CACNB4: variants seen among roughly 807,000 people sequenced by gnomAD.
The protein encoded by CACNB4 is voltage-dependent L-type calcium channel subunit beta-4.
Under a neutral mutation model 71.2 loss-of-function variants are expected in CACNB4, and 32 were observed. The ratio of observed to expected loss-of-function variants is 0.45; its 90% CI spans 0.34 to 0.60. The LOEUF (loss-of-function observed/expected upper bound fraction) is 0.60, where lower values mean the gene tolerates loss of function less well. Among genes scored for constraint, CACNB4 ranks in the 20% least tolerant of loss-of-function variants. CACNB4 has a pLI of 0.01. For synonymous variants in CACNB4, 231 were observed against 236.9 expected (o/e 0.97, Z 0.23); for missense variants, 464 against 647.9 (o/e 0.72, Z 3.08).
At chr2:151,995,947 A>T (rs1682017895) in intron 2 of CACNB4, among the ~76,000 whole-genome samples, 2 of 152,254 alleles carry the variant, frequency 1.3e-5, no homozygotes, top group Admixed American at 6.5e-5. Flanking sequence ...AAACAAGTTC[A>T]AAGCAGTTCA....
intron 2 of CACNB4, among the ~76,000 whole-genome samples, chr2:151,898,717 G>C (rs190764674): frequency 9.9e-4 from 151 of 152,180 alleles, no homozygotes; most frequent in African/African-American, 3.3e-3. Flanking sequence ...TTAAAAATAG[G>C]TCTTTTGTTA....
intron 2 of CACNB4, among the ~76,000 whole-genome samples, chr2:152,075,037 G>A (rs1352016248): frequency 1.3e-5 from 2 of 152,138 alleles, no homozygotes; most frequent in African/African-American, 2.4e-5. Context: ...GGCAAATACC[G>A]ATACATATTA....
chr2:152,043,975 G>A (rs1685008269), intron 2 of CACNB4, among the ~76,000 whole-genome samples: 1 of 152,104 alleles, frequency 6.6e-6, no homozygotes, highest in South Asian at 2.1e-4. Flanking sequence ...GGAGACTAAG[G>A]TGAGAGGATC....
chr2:151,993,855 GC>G (rs894567078), intron 2 of CACNB4, among the ~76,000 whole-genome samples: 1 of 149,274 alleles, frequency 6.7e-6, no homozygotes, highest in African/African-American at 2.4e-5. Context: ...GAGCCACTGT[GC>G]CCAGCCGGGG....
chr2:151,872,995 C>T (rs1272623582), intron 5 of CACNB4: 1 of 152,160 alleles, frequency 6.6e-6, no homozygotes, highest in Non-Finnish European at 1.5e-5. Context: ...TGGAAGCTTC[C>T]CTGAAGCCCA....
At position 152,098,278 on chromosome 2, in the gene CACNB4, C is replaced by T. The variant is rs375190039; in HGVS notation, c.147+52G>A. On this transcript the variant is annotated intron_variant, in intron 2 of 13. Coordinates refer to ENST00000539935, the MANE Select transcript of CACNB4 (RefSeq NM_000726.5). This position sits in a 1 kb window ranked among gnomAD's most constrained non-coding sequence, Gnocchi z 5.3. ...GCCACGGCCGGCTCCAGGACCCCCG[C>T]GCCGCGCGCTCGGCCTCCTCCCCAT... The T allele has an allele frequency of 2.1e-4, 311 of 1,458,356 alleles. No individual in the cohort carries two copies. Among genetic ancestry groups the T allele is most frequent in the Non-Finnish European group, 6.2e-5 (64 of 1,039,410 alleles). The allele number at this position is 1,458,356 out of a possible 1,614,324, so 90.3% of individuals were successfully genotyped here. A position where few individuals can be genotyped will look rare whatever the true frequency, so the allele number is the denominator to read the frequency against.
chr2:152,020,881 C>T (rs944614126), intron 2 of CACNB4, among the ~76,000 whole-genome samples: 1 of 152,206 alleles, frequency 6.6e-6, no homozygotes, highest in African/African-American at 2.4e-5. Flanking sequence ...ATTTAATATC[C>T]TCCACCTGCA....
intron 2 of CACNB4, among the ~76,000 whole-genome samples, chr2:151,884,953 A>G (rs77023549): frequency 0.018 from 2,686 of 152,328 alleles, 75 homozygotes; most frequent in African/African-American, 0.062. Context: ...AGTGGGGGAA[A>G]AAGCTTTAAG....
intron 13 of CACNB4, 40 bp from the exon 14 acceptor site, chr2:151,839,419 C>G (rs541019557): frequency 2.0e-6 from 3 of 1,480,918 alleles, no homozygotes; most frequent in Non-Finnish European, 2.8e-6. Context: ...ATAATGTCAG[C>G]TTCATTCATC....
rs1578499181 is a variant in CACNB4, at chr2:151,860,770, A to G, written c.809T>C (p.Val270Ala). 3 of 1,613,646 alleles carry G rather than the reference A, an allele frequency of 1.9e-6. No individual in the cohort carries two copies. The highest frequency in any genetic ancestry group is 2.7e-5 in the African/African-American group (2 of 74,916). ...TGCTCTCTTGCTGGGATTATTTAGG[A>G]CAGACCTCTTAGCAAGAGAAATGTC... is the stretch of plus-strand genomic sequence containing the variant. The part of the protein sequence containing the change: ...TADISLAKRS[V>A]LNNPSKRAII... Residue 270 changes from valine to alanine, a missense_variant, in exon 10 of 14, where the codon GTC becomes GCC. This residue lies in a region of CACNB4 where 299 missense variants were observed against 471.7 expected (regional missense o/e 0.63). Coordinates refer to ENST00000539935, the MANE Select transcript of CACNB4 (RefSeq NM_000726.5).
At chr2:151,953,679 C>T (rs1363536093) in intron 2 of CACNB4, among the ~76,000 whole-genome samples, 1 of 152,216 alleles carries the variant, frequency 6.6e-6, no homozygotes, top group East Asian at 1.9e-4. Context: ...TCTATGCTCC[C>T]TCCTGGTGGT....
intron 9 of CACNB4, among the ~76,000 whole-genome samples, chr2:151,865,584 G>C (rs1256708430): frequency 6.6e-6 from 1 of 152,162 alleles, no homozygotes; most frequent in Non-Finnish European, 1.5e-5. Flanking sequence ...GGTAGATTCA[G>C]CCAGCTGAAC....
intron 2 of CACNB4, among the ~76,000 whole-genome samples, chr2:152,003,644 C>T (rs985215208): frequency 2.0e-5 from 3 of 152,064 alleles, no homozygotes; most frequent in Non-Finnish European, 4.4e-5. Context: ...TTACCTTTCA[C>T]AGTGTTCTAG....
intron 4 of CACNB4, among the ~76,000 whole-genome samples, chr2:151,877,472 A>G (rs951777889): frequency 6.6e-6 from 1 of 152,214 alleles, no homozygotes; most frequent in Non-Finnish European, 1.5e-5. Flanking sequence ...AACATATTTT[A>G]TAAGGATAAA....
chr2:152,043,383 C>T (rs1684975795), intron 2 of CACNB4, among the ~76,000 whole-genome samples: 1 of 152,184 alleles, frequency 6.6e-6, no homozygotes, highest in African/African-American at 2.4e-5. Context: ...AATGCAGTGG[C>T]ATGATCATAG....
intron 2 of CACNB4, among the ~76,000 whole-genome samples, chr2:152,038,571 G>T (rs1486024551): frequency 6.6e-6 from 1 of 152,206 alleles, no homozygotes; most frequent in African/African-American, 2.4e-5. Flanking sequence ...AAGAGGAAAG[G>T]CCCACTACTC....
At chr2:151,869,361 T>C (rs560179839) in intron 8 of CACNB4, 126 bp from the exon 9 acceptor site, 1 of 600,572 alleles carries the variant, frequency 1.7e-6, no homozygotes, top group South Asian at 2.2e-5. Flanking sequence ...ATTCGTCTCC[T>C]AGGGGGAGGT....
chr2:152,089,014 T>C (rs1687824129), intron 2 of CACNB4, among the ~76,000 whole-genome samples: 1 of 152,238 alleles, frequency 6.6e-6, no homozygotes, highest in East Asian at 1.9e-4. Context: ...ATTGAATCTA[T>C]AATTCAGCTT....
chr2:151,922,306 G>A (rs1454394529), intron 2 of CACNB4, among the ~76,000 whole-genome samples: 2 of 152,126 alleles, frequency 1.3e-5, no homozygotes, highest in African/African-American at 4.8e-5. Flanking sequence ...GGGCTCAAGG[G>A]ATCTTCTCAC....
Sources: gnomAD v4.1 joint callset for allele counts (sites outside exome capture counted in the v4.1 genomes callset) on GRCh38, gnomAD v4.1.1 for gene constraint, gnomAD v4.1.1 regional missense constraint, Gnocchi (gnomAD v3.1) non-coding constraint, MANE v1.5 for transcripts, NCBI Gene and HGNC (gene_info 2026-07-23, HGNC 2026-07-21) for gene names.